XPR1: variants seen among roughly 807,000 people sequenced by gnomAD.
The protein encoded by XPR1 is xenotropic and polytropic retrovirus receptor 1, also known as solute carrier family 53 member 1.
XPR1 carries 28 observed loss-of-function variants against 87.5 expected under a neutral mutation model. That is an observed-to-expected ratio of 0.32 (90% CI 0.24 to 0.44). XPR1 has a LOEUF of 0.44. Among genes scored for constraint, XPR1 ranks in the 20% least tolerant of loss-of-function variants. The pLI is 1.00. For synonymous variants in XPR1, 300 were observed against 306.1 expected (o/e 0.98, Z 0.21); for missense variants, 559 against 862.3 (o/e 0.65, Z 4.41).
intron 1 of XPR1, among the ~76,000 whole-genome samples, chr1:180,664,662 G>A (rs937848032): frequency 5.3e-5 from 8 of 152,136 alleles, no homozygotes; most frequent in Non-Finnish European, 1.2e-4. Context: ...GTCTTACTAG[G>A]TCACGTGTCC....
intron 2 of XPR1, among the ~76,000 whole-genome samples, chr1:180,709,849 A>G (rs532841974): frequency 4.3e-4 from 66 of 151,754 alleles, no homozygotes; most frequent in African/African-American, 1.5e-3. Context: ...GCCTATTTGA[A>G]AAATTGGGTT....
intron 9 of XPR1, among the ~76,000 whole-genome samples, chr1:180,828,802 A>G (rs1419746697): frequency 6.6e-6 from 1 of 152,170 alleles, no homozygotes; most frequent in African/African-American, 2.4e-5. Context: ...AGTCGTTTAT[A>G]ATCTGTACTC....
chr1:180,768,923 G>T (rs1648393420), intron 2 of XPR1, among the ~76,000 whole-genome samples: 1 of 152,112 alleles, frequency 6.6e-6, no homozygotes, highest in Non-Finnish European at 1.5e-5. Flanking sequence ...TGTTATGGTG[G>T]CACATAGAAT....
chr1:180,823,285 G>A lies in XPR1; in HGVS notation c.764-1468G>A, dbSNP rs1313433259. The stretch of plus-strand genomic sequence containing the variant: ...TTGTATGTAATTAAATTCCAAATGA[G>A]CAGTACTGTCAATAAATTTTATAGT... On this transcript the variant is annotated intron_variant, in intron 7 of 14. Transcript: ENST00000367590. Among the ~76,000 whole-genome samples the A allele has an allele frequency of 2.0e-5, 3 of 151,756 alleles. No homozygotes were observed. The East Asian group carries it at 5.8e-4, about 29-fold the overall frequency.
At chr1:180,734,192 C>G (rs572104575) in intron 2 of XPR1, among the ~76,000 whole-genome samples, 1 of 152,064 alleles carries the variant, frequency 6.6e-6, no homozygotes, top group African/African-American at 2.4e-5. Flanking sequence ...ACCAAAACAC[C>G]GGGGGTTCAG....
chr1:180,889,337 C>CTTGACTGGT lies in XPR1; in HGVS notation c.*5277_*5278insGGTTTGACT, dbSNP rs1323147795. 1 of 152,248 alleles carries CTTGACTGGT rather than the reference C, an allele frequency of 6.6e-6. No individual in the cohort carries two copies. Among genetic ancestry groups the CTTGACTGGT allele is most frequent in the Non-Finnish European group, 1.5e-5 (1 of 68,036 alleles). 9.4% of individuals were successfully genotyped at this position (152,248 alleles called of 1,614,324 possible). On this transcript the variant is annotated 3_prime_UTR_variant, in exon 15 of 15. Coordinates refer to ENST00000367590, the MANE Select transcript of XPR1 (RefSeq NM_004736.4). ...GTCTCGTATACCTTCAAACCAGTTA[C>CTTGACTGGT]TTGACTAAACTTCCACCATATTACC...
intron 10 of XPR1, 63 bp downstream of exon 10, chr1:180,835,108 G>T: frequency 6.6e-7 from 1 of 1,505,048 alleles, no homozygotes; most frequent in Non-Finnish European, 9.0e-7. Flanking sequence ...ATATTGGGAA[G>T]GATAAATGAG....
At chr1:180,633,281 A>G (rs1036471738) in intron 1 of XPR1, among the ~76,000 whole-genome samples, 1 of 152,252 alleles carries the variant, frequency 6.6e-6, no homozygotes. Flanking sequence ...TATTCTCAGT[A>G]GCTGGCAATT....
intron 2 of XPR1, among the ~76,000 whole-genome samples, chr1:180,703,587 G>T (rs908194625): frequency 6.6e-6 from 1 of 152,174 alleles, no homozygotes. Flanking sequence ...GCAGCTACTG[G>T]CAGCAGTGGT....
chr1:180,729,331 A>T (rs376932773), intron 2 of XPR1, among the ~76,000 whole-genome samples: 2 of 152,176 alleles, frequency 1.3e-5, no homozygotes, highest in Admixed American at 6.6e-5. Context: ...ATGGTAAAAC[A>T]TTTTATATTC....
At chr1:180,656,555 ATG>A (rs1429197359) in intron 1 of XPR1, among the ~76,000 whole-genome samples, 18 of 25,552 alleles carry the variant, frequency 7.0e-4, no homozygotes, top group East Asian at 2.1e-3. Flanking sequence ...ATATATTTAT[ATG>A]TATAATATAT....
chr1:180,776,200 A>G (rs1221902080), intron 2 of XPR1, among the ~76,000 whole-genome samples: 4 of 115,886 alleles, frequency 3.5e-5, no homozygotes, highest in South Asian at 2.7e-4. Context: ...TTAATTTTCA[A>G]TAATCACCAT....
chr1:180,722,011 C>G (rs961969195), intron 2 of XPR1, among the ~76,000 whole-genome samples: 2 of 152,042 alleles, frequency 1.3e-5, no homozygotes, highest in African/African-American at 4.8e-5. Flanking sequence ...GCCTGTAATC[C>G]CACCACTTTG....
At chr1:180,740,997 C>T (rs1010669509) in intron 2 of XPR1, among the ~76,000 whole-genome samples, 1 of 152,140 alleles carries the variant, frequency 6.6e-6, no homozygotes, top group Non-Finnish European at 1.5e-5. Flanking sequence ...ACCAAAGGCC[C>T]ACCTCCTAAT....
At chr1:180,840,544 G>GTA (rs2102175913) in intron 11 of XPR1, among the ~76,000 whole-genome samples, 1 of 130,722 alleles carries the variant, frequency 7.6e-6, no homozygotes, top group Non-Finnish European at 1.6e-5. Flanking sequence ...GTGTGTGTGT[G>GTA]TGTGTGTGTG....
chr1:180,704,245 G>GATAGATATATATATAT (rs1553238722), intron 2 of XPR1, among the ~76,000 whole-genome samples: 4 of 66,028 alleles, frequency 6.1e-5, no homozygotes, highest in Non-Finnish European at 9.0e-5. Context: ...ATAGGTGCTG[G>GATAGATATATATATAT]ATATATATAT....
rs552885873 is a variant in XPR1 at position 180,645,624 on chromosome 1, T to G, written c.69+13354T>G. 9.3e-4 allele frequency among the ~76,000 whole-genome samples: 142 copies of G among 152,336 alleles called. No homozygotes were observed. The South Asian group carries it at 9.3e-3, about 10-fold the overall frequency. ...GTAACTAAAGAACTCTGGCCAGTGA[T>G]CTACCTTTAGAAAGCCCTCTCACTA... is the stretch of plus-strand genomic sequence containing the variant. On this transcript the variant is annotated intron_variant, in intron 1 of 14. Transcript: ENST00000367590.
intron 1 of XPR1, among the ~76,000 whole-genome samples, chr1:180,667,817 T>C (rs1656013628): frequency 6.6e-6 from 1 of 152,184 alleles, no homozygotes; most frequent in South Asian, 2.1e-4. Flanking sequence ...TCTTAACAGG[T>C]TTTACCTTCC....
chr1:180,888,373 T>C lies in XPR1; in HGVS notation c.*4307T>C, dbSNP rs1420808805. ...TAATGGTTTACATGAAATTTTCCTC[T>C]CAAAAAACAAGTACCTCTTACTGTA... On this transcript the variant is annotated 3_prime_UTR_variant, in exon 15 of 15. Coordinates refer to ENST00000367590, the MANE Select transcript of XPR1 (RefSeq NM_004736.4). The C allele has an allele frequency of 8.7e-6, 1 of 114,338 alleles. No homozygotes were observed. The highest frequency in any genetic ancestry group is 3.0e-5 in the African/African-American group (1 of 32,932). 7.1% of individuals were successfully genotyped at this position (114,338 alleles called of 1,614,324 possible). A position where few individuals can be genotyped will look rare whatever the true frequency, so the allele number is the denominator to read the frequency against.
Sources: gnomAD v4.1 joint callset for allele counts (sites outside exome capture counted in the v4.1 genomes callset) on GRCh38, gnomAD v4.1.1 for gene constraint, MANE v1.5 for transcripts, NCBI Gene and HGNC (gene_info 2026-07-23, HGNC 2026-07-21) for gene names.